The following PKHD1L1 variants were observed in gnomAD, a reference collection of about 807,000 sequenced individuals.
PKHD1L1 encodes fibrocystin-L.
PKHD1L1 carries 434 observed loss-of-function variants against 462.9 expected under a neutral mutation model. The ratio of observed to expected loss-of-function variants is 0.94; its 90% CI spans 0.87 to 1.02. PKHD1L1 has a LOEUF of 1.02. Among genes scored for constraint, PKHD1L1 ranks in the 50% least tolerant of loss-of-function variants. The pLI, the probability that PKHD1L1 is intolerant of heterozygous loss-of-function variation, is 0.00. For missense variants in PKHD1L1, 5,202 were observed against 5,096.1 expected, an observed-to-expected ratio of 1.02 and a Z score of -0.63; for synonymous variants, 1,781 against 1,750.0, an observed-to-expected ratio of 1.02 and a Z score of -0.44.
chr8:109,510,851 C>G lies in PKHD1L1; in HGVS notation c.11470C>G (p.Leu3824Val). 6.2e-7 allele frequency: 1 copy of G among 1,613,340 alleles called. No homozygotes were observed. The highest frequency in any genetic ancestry group is 2.2e-5 in the East Asian group (1 of 44,868). The change falls in exon 71 of 78, where the codon CTG (leucine) becomes GTG (valine). Residue 3824 changes from leucine to valine, a missense_variant. By Grantham distance (32) the Leu-to-Val change is conservative (BLOSUM62 1). Around this residue, in one of 3 missense-constraint regions of PKHD1L1, gnomAD observed 698 missense variants for 736.3 expected, o/e 0.95. Coordinates refer to ENST00000378402, the MANE Select transcript of PKHD1L1 (RefSeq NM_177531.6). ...GTCCCTGTTTCACAGCATTGTGGCT[C>G]TGAACAAATCTTATGAAGTTTACTT... is the stretch of plus-strand genomic sequence containing the variant. ...RLSLFHSIVALNKSYEVYFTG... is the reference protein window; with the variant it reads ...RLSLFHSIVAVNKSYEVYFTG...
Position 109,452,058 on chromosome 8 carries a change from G to C in PKHD1L1, c.6351-66G>C, listed in dbSNP as rs145971770. 103 of 1,446,080 alleles carry C rather than the reference G, an allele frequency of 7.1e-5. No individual in the cohort carries two copies. In the African/African-American group the frequency reaches 9.8e-4, roughly 14 times the overall value. The allele number at this position is 1,446,080 out of a possible 1,614,324, so 89.6% of individuals were successfully genotyped here. A position where few individuals can be genotyped will look rare whatever the true frequency, so the allele number is the denominator to read the frequency against. On this transcript the variant is annotated intron_variant, in intron 41 of 77. Transcript: ENST00000378402. ...TTGCAATAATACATAGGAATAAAAG[G>C]GTTTGACAGTGTGATCTAGATATTT... is the stretch of plus-strand genomic sequence containing the variant.
intron 50 of PKHD1L1, among the ~76,000 whole-genome samples, chr8:109,472,913 A>G (rs1817796099): frequency 6.6e-6 from 1 of 152,134 alleles, no homozygotes; most frequent in South Asian, 2.1e-4. Flanking sequence ...AATTTTACAC[A>G]CGTCCATATA....
At chr8:109,436,560 A>G in intron 30 of PKHD1L1, 101 bp downstream of exon 30, 1 of 1,512,616 alleles carries the variant, frequency 6.6e-7, no homozygotes, top group South Asian at 1.3e-5. Flanking sequence ...TGGTGTATTT[A>G]CTTAGGAACT....
At chr8:109,468,269 C>T (rs182692357) in intron 50 of PKHD1L1, among the ~76,000 whole-genome samples, 203 of 152,318 alleles carry the variant, frequency 1.3e-3, no homozygotes, top group African/African-American at 2.7e-3. Flanking sequence ...AGAATTTCAA[C>T]TCCTGCCCTC....
intron 9 of PKHD1L1, among the ~76,000 whole-genome samples, chr8:109,391,592 C>T (rs538297011): frequency 6.6e-5 from 10 of 152,168 alleles, no homozygotes; most frequent in East Asian, 5.8e-4. Flanking sequence ...ATTGAGAAAG[C>T]GAGTTGACAG....
chr8:109,456,530 C>A, intron 46 of PKHD1L1, 139 bp downstream of exon 46: 1 of 784,872 alleles, frequency 1.3e-6, no homozygotes, highest in Non-Finnish European at 1.8e-6. Context: ...CAGCCAAATA[C>A]AGATTTGCCA....
At chr8:109,383,838 C>A (rs1461052226) in intron 4 of PKHD1L1, among the ~76,000 whole-genome samples, 2 of 152,046 alleles carry the variant, frequency 1.3e-5, no homozygotes, top group Non-Finnish European at 1.5e-5. Flanking sequence ...TGTTACCATT[C>A]TTGGTTTCTC....
chr8:109,372,370 G>A (rs1330183744), intron 2 of PKHD1L1, among the ~76,000 whole-genome samples: 1 of 152,186 alleles, frequency 6.6e-6, no homozygotes. Flanking sequence ...CTGAGACTTT[G>A]CTGAAGTTGC....
chr8:109,453,846 T>C (rs1236993729), intron 43 of PKHD1L1, among the ~76,000 whole-genome samples: 1 of 152,150 alleles, frequency 6.6e-6, no homozygotes, highest in Non-Finnish European at 1.5e-5. Flanking sequence ...AGGTGCTGTG[T>C]TTGTACAACG....
At chr8:109,409,303 C>A (rs1018257583) in intron 18 of PKHD1L1, among the ~76,000 whole-genome samples, 1 of 151,654 alleles carries the variant, frequency 6.6e-6, no homozygotes, top group Non-Finnish European at 1.5e-5. Flanking sequence ...GGCTGGAATG[C>A]AGTGGTGTGA....
intron 73 of PKHD1L1, among the ~76,000 whole-genome samples, chr8:109,519,869 A>G (rs1258529851): frequency 2.6e-5 from 4 of 152,112 alleles, no homozygotes; most frequent in African/African-American, 9.7e-5. Context: ...TACCCTATCT[A>G]CCTGTGTTCA....
intron 56 of PKHD1L1, 42 bp downstream of exon 56, chr8:109,481,604 G>T: frequency 6.7e-7 from 1 of 1,485,012 alleles, no homozygotes; most frequent in Non-Finnish European, 8.9e-7. Context: ...TCTGTTTTAA[G>T]AATCTACTTT....
intron 21 of PKHD1L1, among the ~76,000 whole-genome samples, chr8:109,418,818 T>G (rs1254065020): frequency 2.6e-5 from 4 of 152,202 alleles, no homozygotes; most frequent in Non-Finnish European, 5.9e-5. Flanking sequence ...GTTTCCTTAC[T>G]TGTTGTTACA....
chr8:109,444,962 TCCC>T lies in PKHD1L1; in HGVS notation c.5094_5096del (p.Phe1698_Pro1699delinsLeu), dbSNP rs1563550601. On this transcript the variant is annotated inframe_deletion, in exon 38 of 78. Coordinates refer to ENST00000378402, the MANE Select transcript of PKHD1L1 (RefSeq NM_177531.6). The stretch of plus-strand genomic sequence containing the variant: ...GGTGTAAAAGTCCTTATGGGTCATT[TCCC>T]ATGTAAAGTTCTATCAGTGAATTAT... 5.6e-6 allele frequency: 9 copies of T among 1,613,890 alleles called. No individual in the cohort carries two copies. In the Admixed American group the frequency reaches 1.5e-4, roughly 27 times the overall value.
chr8:109,464,216 G>A lies in PKHD1L1; in HGVS notation c.7384G>A (p.Val2462Ile), dbSNP rs932971775. The A allele has an allele frequency of 6.3e-7, 1 of 1,582,742 alleles. No homozygotes were observed. The highest frequency in any genetic ancestry group is 1.7e-5 in the Admixed American group (1 of 58,148). The change falls in exon 49 of 78, where the codon GTA becomes ATA. Residue 2462 changes from valine to isoleucine, a missense_variant and splice_region_variant. Around this residue, in one of 3 missense-constraint regions of PKHD1L1, gnomAD observed 4,497 missense variants for 4,336.8 expected, o/e 1.04. Coordinates refer to ENST00000378402, the MANE Select transcript of PKHD1L1 (RefSeq NM_177531.6). ...MVTGRIEYVE[V>I]FHAGQAFRLG... ...TAACTGTGATTTCTGGGCTTAACAG[G>A]TATTCCATGCTGGCCAGGCTTTCCG...
chr8:109,445,741 G>T (rs1816101872), intron 38 of PKHD1L1, 96 bp downstream of exon 38: 1 of 1,288,032 alleles, frequency 7.8e-7, no homozygotes, highest in Admixed American at 2.4e-5. Flanking sequence ...CTATTAAGGT[G>T]TGTTTATAAA....
In PKHD1L1 at chr8:109,522,263, A is replaced by G; in HGVS notation, c.12109A>G (p.Ile4037Val). 1 of 1,603,578 alleles carries G rather than the reference A, an allele frequency of 6.2e-7. No individual in the cohort carries two copies. The highest frequency in any genetic ancestry group is 8.5e-7 in the Non-Finnish European group (1 of 1,171,270). Reference sequence around the variant, plus strand: ...TGTAATTTTAGGAAACATCAGTAGTATCCTTGGATTTAACATTTCGTCCAT... The same window carrying G: ...TGTAATTTTAGGAAACATCAGTAGTGTCCTTGGATTTAACATTTCGTCCAT... Reference protein sequence around the residue: ...QAVILGNISSILGFNISSMSI... With the variant: ...QAVILGNISSVLGFNISSMSI... The change falls in exon 74 of 78, where the codon ATC (isoleucine) becomes GTC (valine). Residue 4037 changes from isoleucine to valine, a missense_variant. Around this residue, in one of 3 missense-constraint regions of PKHD1L1, gnomAD observed 698 missense variants for 736.3 expected, o/e 0.95. Transcript: ENST00000378402.
intron 2 of PKHD1L1, among the ~76,000 whole-genome samples, chr8:109,379,269 T>C (rs1327140963): frequency 6.6e-6 from 1 of 152,176 alleles, no homozygotes; most frequent in Non-Finnish European, 1.5e-5. Context: ...GAACTGACCC[T>C]CCAATTATGG....
chr8:109,507,733 G>A lies in PKHD1L1; in HGVS notation c.11065G>A (p.Asp3689Asn). 4.3e-6 allele frequency: 7 copies of A among 1,613,478 alleles called. No individual in the cohort carries two copies. Among genetic ancestry groups the A allele is most frequent in the South Asian group, 2.2e-5 (2 of 91,074 alleles). ...AKRKSFLRDI[D>N]GSFLGNAGSV... is the part of the protein sequence containing the mutation. Reference sequence around the variant, plus strand: ...GAGGAAATCTTTTCTTAGAGACATAGATGGCTCCTTTCTGGGGAATGCTGG... The same window carrying A: ...GAGGAAATCTTTTCTTAGAGACATAAATGGCTCCTTTCTGGGGAATGCTGG... The change falls in exon 69 of 78, where the codon GAT becomes AAT. Residue 3689 changes from aspartate (D) to asparagine (N), a missense_variant. Asp to Asn is a conservative substitution (Grantham distance 23). Around this residue, in one of 3 missense-constraint regions of PKHD1L1, gnomAD observed 698 missense variants for 736.3 expected, o/e 0.95. Coordinates refer to ENST00000378402, the MANE Select transcript of PKHD1L1 (RefSeq NM_177531.6).
Sources: gnomAD v4.1 joint callset for allele counts (sites outside exome capture counted in the v4.1 genomes callset) on GRCh38, gnomAD v4.1.1 for gene constraint, gnomAD v4.1.1 regional missense constraint, MANE v1.5 for transcripts, NCBI Gene and HGNC (gene_info 2026-07-23, HGNC 2026-07-21) for gene names.